The following CEMIP variants were observed in gnomAD, a reference collection of about 807,000 sequenced individuals.
CEMIP encodes cell migration-inducing and hyaluronan-binding protein.
CEMIP carries 105 observed loss-of-function variants against 156.9 expected under a neutral mutation model. The ratio of observed to expected loss-of-function variants is 0.67; its 90% CI spans 0.57 to 0.79. The LOEUF (loss-of-function observed/expected upper bound fraction) is 0.79. CEMIP is among the 30% of genes least tolerant of loss of function. The pLI, the probability that CEMIP is intolerant of heterozygous loss-of-function variation, is 0.00. For missense variants in CEMIP, 1,457 were observed against 1,769.4 expected, an observed-to-expected ratio of 0.82 and a Z score of 3.17; for synonymous variants, 676 against 668.4, an observed-to-expected ratio of 1.01 and a Z score of -0.17.
chr15:80,931,859 G>C lies in CEMIP; in HGVS notation c.2613G>C (p.Gln871His). ...DHSGRTLPIG[Q>H]NFPIRGIQLY... Reference sequence around the variant, plus strand: ...ACATCTTACTTCCTTAACTCCGTAGGAATTTTCCAATTAGAGGAATTCAGT... The same window carrying C: ...ACATCTTACTTCCTTAACTCCGTAGCAATTTTCCAATTAGAGGAATTCAGT... The change falls in exon 22 of 30, where the codon CAG becomes CAC. Residue 871 changes from glutamine to histidine, a missense_variant and splice_region_variant. Physicochemically the swap from Gln to His is conservative, Grantham distance 24. Transcript: ENST00000394685. The C allele has an allele frequency of 6.2e-7, 1 of 1,613,862 alleles. No homozygotes were observed. The highest frequency in any genetic ancestry group is 8.5e-7 in the Non-Finnish European group (1 of 1,179,782).
chr15:80,946,780 C>T (rs1031479979), intron 28 of CEMIP, 185 bp from the exon 29 acceptor site: 2 of 626,904 alleles, frequency 3.2e-6, no homozygotes, highest in African/African-American at 1.8e-5. Context: ...TCAGGATGTT[C>T]GTCACCACAT....
In CEMIP at chr15:80,931,276, C is replaced by G. The variant is rs536657663; in HGVS notation, c.2613-583C>G. Among the ~76,000 whole-genome samples, 5 of 152,284 alleles carry G rather than the reference C, an allele frequency of 3.3e-5. 1 individual carries two copies. In the South Asian group the frequency reaches 1.0e-3, roughly 32 times the overall value. On this transcript the variant is annotated intron_variant, in intron 21 of 29. Coordinates refer to ENST00000394685, the MANE Select transcript of CEMIP (RefSeq NM_001293298.2). ...TTATTTTTATCATGTTTATCACCTT[C>G]CATTCTGTGTCCTTTTCCCCTCTGT... is the stretch of plus-strand genomic sequence containing the variant.
chr15:80,792,001 C>A (rs1230018435), intron 1 of CEMIP, among the ~76,000 whole-genome samples: 1 of 152,224 alleles, frequency 6.6e-6, no homozygotes, highest in Non-Finnish European at 1.5e-5. Flanking sequence ...TAGTCCTCAT[C>A]TCTTCTCTGC....
chr15:80,791,396 G>A (rs1053749613), intron 1 of CEMIP, among the ~76,000 whole-genome samples: 2 of 152,096 alleles, frequency 1.3e-5, no homozygotes, highest in Non-Finnish European at 2.9e-5. Context: ...TCACTGCTAG[G>A]GCTCAGTAAA....
intron 6 of CEMIP, among the ~76,000 whole-genome samples, chr15:80,882,200 G>T (rs1898685206): frequency 6.6e-6 from 1 of 152,166 alleles, no homozygotes; most frequent in Non-Finnish European, 1.5e-5. Context: ...ACCCAACCTT[G>T]CCGGTAAACA....
chr15:80,882,286 A>G (rs951210143), intron 6 of CEMIP, among the ~76,000 whole-genome samples: 16 of 152,206 alleles, frequency 1.1e-4, no homozygotes, highest in Admixed American at 8.5e-4. Context: ...ATATACTTCA[A>G]TCTTCATCAA....
chr15:80,797,521 G>A (rs1454786633), intron 1 of CEMIP, among the ~76,000 whole-genome samples: 1 of 152,068 alleles, frequency 6.6e-6, no homozygotes, highest in African/African-American at 2.4e-5. Flanking sequence ...CTTTTTTTCT[G>A]GGCACAAGGG....
intron 1 of CEMIP, among the ~76,000 whole-genome samples, chr15:80,823,568 G>A (rs1046291660): frequency 3.9e-5 from 6 of 152,136 alleles, no homozygotes; most frequent in Admixed American, 2.0e-4. Flanking sequence ...TTCCCCTTCT[G>A]TAATCCTCAA....
At chr15:80,847,627 A>C (rs1897595658) in intron 1 of CEMIP, among the ~76,000 whole-genome samples, 1 of 152,218 alleles carries the variant, frequency 6.6e-6, no homozygotes, top group Non-Finnish European at 1.5e-5. Context: ...AACAGCTGCA[A>C]TTTGTGCCTG....
chr15:80,925,764 G>T lies in CEMIP; in HGVS notation c.2420+9G>T. 1 of 1,611,172 alleles carries T rather than the reference G, an allele frequency of 6.2e-7. No individual in the cohort carries two copies. On this transcript the variant is annotated intron_variant, in intron 19 of 29. Transcript: ENST00000394685. ...TGGCTGGACAGCTGCCGGTGAGTCAGAGCGGCGTGTGGCTTTGGCACAAAG... is the reference window on the plus strand; with the variant it reads ...TGGCTGGACAGCTGCCGGTGAGTCATAGCGGCGTGTGGCTTTGGCACAAAG...
At position 80,879,729 on chromosome 15, in the gene CEMIP, T is replaced by C. The variant is rs1230773779; in HGVS notation, c.255T>C (p.Ile85=). 3.1e-6 allele frequency: 5 copies of C among 1,614,062 alleles called. No individual in the cohort carries two copies. The highest frequency in any genetic ancestry group is 4.2e-6 in the Non-Finnish European group (5 of 1,180,036). Residue 85 remains isoleucine (I), a synonymous_variant, in exon 5 of 30, where the codon ATT becomes ATC. Transcript: ENST00000394685. The part of the protein sequence containing the change: ...IHISEGGKLV[I]KDHDEPIVLR... ...CTACCTCTTCAGGCAAGCTGGTCAT[T>C]AAAGACCACGACGAGCCGATTGTTT...
intron 18 of CEMIP, among the ~76,000 whole-genome samples, chr15:80,925,109 CA>C (rs1900610561): frequency 6.6e-6 from 1 of 152,222 alleles, no homozygotes; most frequent in African/African-American, 2.4e-5. Flanking sequence ...AGCTGAAGGC[CA>C]GGGGCAACTT....
intron 1 of CEMIP, among the ~76,000 whole-genome samples, chr15:80,833,485 G>T (rs1229315105): frequency 6.6e-6 from 1 of 152,020 alleles, no homozygotes; most frequent in African/African-American, 2.4e-5. Context: ...TCCTCCAAAG[G>T]AATCAGGTTA....
chr15:80,938,119 CT>C, intron 25 of CEMIP, 140 bp downstream of exon 25: 1 of 713,780 alleles, frequency 1.4e-6, no homozygotes, highest in Non-Finnish European at 2.5e-6. Context: ...GACTCTAAGG[CT>C]GACTGTCCCA....
chr15:80,870,513 C>T (rs960687335), intron 1 of CEMIP, among the ~76,000 whole-genome samples: 1 of 152,168 alleles, frequency 6.6e-6, no homozygotes, highest in African/African-American at 2.4e-5. Flanking sequence ...CTCCTCTTCC[C>T]CTGTCTCCCC....
chr15:80,836,440 A>G (rs1035673545), intron 1 of CEMIP, among the ~76,000 whole-genome samples: 2 of 152,240 alleles, frequency 1.3e-5, no homozygotes, highest in Non-Finnish European at 2.9e-5. Context: ...GTCCACTTGT[A>G]CCAAATGCAT....
At chr15:80,911,368 G>A (rs1900045000) in intron 14 of CEMIP, among the ~76,000 whole-genome samples, 1 of 152,220 alleles carries the variant, frequency 6.6e-6, no homozygotes, top group Non-Finnish European at 1.5e-5. Flanking sequence ...AGCTTTACTT[G>A]TTCTAAGCAT....
Position 80,924,633 on chromosome 15 carries a change from A to C in CEMIP, c.2215A>C (p.Ile739Leu). Reference protein sequence around the residue: ...AHSNYRAGMIIDNGVKTTEAS... With the variant: ...AHSNYRAGMILDNGVKTTEAS... Reference sequence around the variant, plus strand: ...CTCTTCCCTGCAGGCTGGCATGATCATAGACAACGGAGTCAAAACCACCGA... The same window carrying C: ...CTCTTCCCTGCAGGCTGGCATGATCCTAGACAACGGAGTCAAAACCACCGA... Residue 739 changes from isoleucine (I) to leucine (L), a missense_variant, in exon 18 of 30, where the codon ATA (isoleucine) becomes CTA (leucine). Ile to Leu is a conservative substitution (Grantham distance 5). This residue lies in a region of CEMIP where 798 missense variants were observed against 980.1 expected (regional missense o/e 0.81). Coordinates refer to ENST00000394685, the MANE Select transcript of CEMIP (RefSeq NM_001293298.2). 4 of 1,614,168 alleles carry C rather than the reference A, an allele frequency of 2.5e-6. No individual in the cohort carries two copies. The South Asian group carries it at 4.4e-5, about 18-fold the overall frequency.
chr15:80,896,832 A>G (rs1217341275), intron 12 of CEMIP, among the ~76,000 whole-genome samples: 1 of 152,212 alleles, frequency 6.6e-6, no homozygotes, highest in African/African-American at 2.4e-5. Context: ...CTAAAGGATA[A>G]GCTGAATAAC....
Sources: allele counts gnomAD v4.1 joint callset (sites outside exome capture counted in the v4.1 genomes callset), GRCh38; gene constraint gnomAD v4.1.1; regional missense constraint gnomAD v4.1.1; transcripts MANE v1.5; gene names NCBI Gene and HGNC (gene_info 2026-07-23, HGNC 2026-07-21).